The following ZCWPW2 variants were observed in gnomAD, a reference collection of about 807,000 sequenced individuals.
The protein encoded by ZCWPW2 is zinc finger CW-type PWWP domain protein 2.
Under a neutral mutation model 46.6 loss-of-function variants are expected in ZCWPW2, and 45 were observed. That is an observed-to-expected ratio of 0.96 (90% CI 0.76 to 1.24). The LOEUF is 1.24. Among genes scored for constraint, ZCWPW2 ranks in the 50% most tolerant of loss-of-function variants. The probability of loss-of-function intolerance (pLI) is 0.00; values close to 1 mark genes in which losing one functional copy is unlikely to be tolerated. For missense variants in ZCWPW2, 429 were observed against 403.9 expected, an observed-to-expected ratio of 1.06 and a Z score of -0.53; for synonymous variants, 152 against 137.1, an observed-to-expected ratio of 1.11 and a Z score of -0.76.
At chr3:28,364,647 C>A (rs1304354721) in intron 1 of ZCWPW2, among the ~76,000 whole-genome samples, 2 of 151,288 alleles carry the variant, frequency 1.3e-5, no homozygotes, top group South Asian at 2.1e-4. Context: ...TATGGCCATT[C>A]TTTTTTTTTA....
intron 2 of ZCWPW2, among the ~76,000 whole-genome samples, chr3:28,391,194 A>G (rs1695473240): frequency 6.6e-6 from 1 of 152,256 alleles, no homozygotes; most frequent in South Asian, 2.1e-4. Flanking sequence ...AGAACTAACA[A>G]GACTTAATGA....
chr3:28,386,221 G>A (rs904703699), intron 1 of ZCWPW2, among the ~76,000 whole-genome samples: 2 of 151,986 alleles, frequency 1.3e-5, no homozygotes, highest in African/African-American at 2.4e-5. Context: ...GCCCTTATAA[G>A]AAAAGACACC....
intron 6 of ZCWPW2, 60 bp downstream of exon 6, chr3:28,492,233 T>C: frequency 7.2e-7 from 1 of 1,393,482 alleles, no homozygotes; most frequent in Non-Finnish European, 9.7e-7. Context: ...AACACTATTC[T>C]TTAAAGAAAA....
chr3:28,367,499 C>G (rs187838413), intron 1 of ZCWPW2, among the ~76,000 whole-genome samples: 9 of 152,004 alleles, frequency 5.9e-5, no homozygotes, highest in South Asian at 2.1e-4. Context: ...ATTGCACTGT[C>G]GTCTGAGAGA....
intron 4 of ZCWPW2, among the ~76,000 whole-genome samples, chr3:28,464,513 A>G (rs776603874): frequency 6.6e-6 from 1 of 152,148 alleles, no homozygotes; most frequent in Non-Finnish European, 1.5e-5. Flanking sequence ...CGCAAAGCAC[A>G]CTGTAGTAAA....
intron 1 of ZCWPW2, among the ~76,000 whole-genome samples, chr3:28,358,425 T>A (rs989606869): frequency 6.6e-6 from 1 of 152,176 alleles, no homozygotes; most frequent in Non-Finnish European, 1.5e-5. Flanking sequence ...ATTTAATGTC[T>A]TGGATTATCA....
chr3:28,373,708 T>A (rs1326138717), intron 1 of ZCWPW2, among the ~76,000 whole-genome samples: 1 of 152,142 alleles, frequency 6.6e-6, no homozygotes, highest in Non-Finnish European at 1.5e-5. Context: ...ACTCCTGACC[T>A]CAGGTGATCC....
At chr3:28,379,303 G>A (rs951177176) in intron 1 of ZCWPW2, among the ~76,000 whole-genome samples, 1 of 152,112 alleles carries the variant, frequency 6.6e-6, no homozygotes, top group African/African-American at 2.4e-5. Context: ...GAGGAATATG[G>A]TCTAGAATGA....
intron 4 of ZCWPW2, 44 bp from the exon 5 acceptor site, chr3:28,478,770 T>A (rs1202070780): frequency 1.2e-5 from 13 of 1,056,838 alleles, no homozygotes; most frequent in Non-Finnish European, 1.7e-5. Context: ...AACAAAGTTA[T>A]ATATTTAAAA....
chr3:28,437,971 A>G (rs1404281877), intron 4 of ZCWPW2, among the ~76,000 whole-genome samples: 1 of 152,154 alleles, frequency 6.6e-6, no homozygotes, highest in Non-Finnish European at 1.5e-5. Context: ...TGAAACTTCC[A>G]GGAAAAGGCT....
At chr3:28,475,514 C>G (rs1036771690) in intron 4 of ZCWPW2, among the ~76,000 whole-genome samples, 2 of 152,170 alleles carry the variant, frequency 1.3e-5, no homozygotes, top group Non-Finnish European at 2.9e-5. Context: ...TACTTTTATG[C>G]TCAGAACTCT....
At chr3:28,458,826 G>C (rs867448855) in intron 4 of ZCWPW2, among the ~76,000 whole-genome samples, 1 of 152,124 alleles carries the variant, frequency 6.6e-6, no homozygotes, top group Admixed American at 6.5e-5. Context: ...GATGTGAAAG[G>C]TCTTTTCGTC....
At chr3:28,393,315 C>A (rs892335316) in intron 2 of ZCWPW2, among the ~76,000 whole-genome samples, 3 of 152,020 alleles carry the variant, frequency 2.0e-5, no homozygotes, top group African/African-American at 7.2e-5. Flanking sequence ...CAAAATTTCT[C>A]ATCAAAGAGA....
At chr3:28,471,498 C>T (rs950756182) in intron 4 of ZCWPW2, among the ~76,000 whole-genome samples, 1 of 152,072 alleles carries the variant, frequency 6.6e-6, no homozygotes, top group Non-Finnish European at 1.5e-5. Flanking sequence ...AGGACAAAAA[C>T]CATATCATCA....
intron 5 of ZCWPW2, among the ~76,000 whole-genome samples, chr3:28,489,407 G>T (rs1343458321): frequency 2.0e-5 from 3 of 151,770 alleles, no homozygotes; most frequent in Non-Finnish European, 2.9e-5. Flanking sequence ...CTTTACACAT[G>T]ATTAATCCCA....
intron 4 of ZCWPW2, among the ~76,000 whole-genome samples, chr3:28,458,429 C>T (rs1256317361): frequency 6.6e-6 from 1 of 152,118 alleles, no homozygotes; most frequent in Non-Finnish European, 1.5e-5. Context: ...ATATACACAG[C>T]CAACTTCTCT....
At chr3:28,362,273 CT>C (rs776946464) in intron 1 of ZCWPW2, among the ~76,000 whole-genome samples, 26 of 151,636 alleles carry the variant, frequency 1.7e-4, no homozygotes, top group Non-Finnish European at 3.2e-4. Context: ...ATACTGTACA[CT>C]TAAAATTTTT....
intron 3 of ZCWPW2, among the ~76,000 whole-genome samples, chr3:28,420,330 T>A (rs147897230): frequency 6.6e-6 from 1 of 152,158 alleles, no homozygotes; most frequent in Non-Finnish European, 1.5e-5. Context: ...GAGATTCTGG[T>A]ATGCTGTGTC....
At chr3:28,434,200 A>G (rs1381915764) in intron 3 of ZCWPW2, among the ~76,000 whole-genome samples, 1 of 152,136 alleles carries the variant, frequency 6.6e-6, no homozygotes, top group African/African-American at 2.4e-5. Context: ...AAAATGAATA[A>G]CTTCTTAGGT....
Sources: allele counts gnomAD v4.1 joint callset (sites outside exome capture counted in the v4.1 genomes callset), GRCh38; gene constraint gnomAD v4.1.1; transcripts MANE v1.5; gene names NCBI Gene and HGNC (gene_info 2026-07-23, HGNC 2026-07-21).